The following CCAR1 variants were observed in gnomAD, a reference collection of about 807,000 sequenced individuals.
CCAR1 encodes the protein cell division cycle and apoptosis regulator 1.
A neutral mutation model predicts 163.8 loss-of-function variants in CCAR1; 78 were observed. That is an observed-to-expected ratio of 0.48 (90% CI 0.40 to 0.57). The LOEUF (loss-of-function observed/expected upper bound fraction) is 0.57, where lower values mean the gene tolerates loss of function less well. Among genes scored for constraint, CCAR1 ranks in the 20% least tolerant of loss-of-function variants. The pLI is 0.00. For missense variants in CCAR1, 1,019 were observed against 1,365.2 expected (o/e 0.75, Z 4.00); for synonymous variants, 443 against 460.7 (o/e 0.96, Z 0.49).
intron 19 of CCAR1, among the ~76,000 whole-genome samples, chr10:68,784,417 T>C (rs1262709495): frequency 1.3e-5 from 2 of 152,140 alleles, no homozygotes; most frequent in Non-Finnish European, 2.9e-5. Context: ...TTCACCATGT[T>C]GGCCAGGCTG....
chr10:68,767,598 G>T (rs1164611226), intron 17 of CCAR1, among the ~76,000 whole-genome samples: 1 of 151,892 alleles, frequency 6.6e-6, no homozygotes, highest in Admixed American at 6.6e-5. Context: ...AGGCTGGAGT[G>T]CAGTGGCTCG....
intron 6 of CCAR1, among the ~76,000 whole-genome samples, chr10:68,743,807 G>T (rs1481492257): frequency 6.6e-6 from 1 of 152,100 alleles, no homozygotes; most frequent in Non-Finnish European, 1.5e-5. Flanking sequence ...CTGGAGTGCA[G>T]TGGTGCGATC....
intron 4 of CCAR1, among the ~76,000 whole-genome samples, 172 bp downstream of exon 4, chr10:68,738,061 G>C (rs2056135248): frequency 6.6e-6 from 1 of 152,188 alleles, no homozygotes. Context: ...GGGTGAGGGA[G>C]ATAGGAGGGT....
intron 4 of CCAR1, 134 bp downstream of exon 4, chr10:68,738,023 A>G (rs997564315): frequency 1.7e-6 from 1 of 585,854 alleles, no homozygotes; most frequent in South Asian, 2.4e-5. Context: ...GCTAGAGTAA[A>G]TAGGTAGGAA....
chr10:68,724,805 C>G (rs1393349192), intron 2 of CCAR1, among the ~76,000 whole-genome samples: 2 of 151,938 alleles, frequency 1.3e-5, no homozygotes, highest in African/African-American at 4.8e-5. Flanking sequence ...GAAAGAAAAC[C>G]AACTCTAAAG....
chr10:68,750,214 CTTT>C (rs58204351), intron 10 of CCAR1, among the ~76,000 whole-genome samples: 956 of 52,952 alleles, frequency 0.018, 5 homozygotes, highest in Non-Finnish European at 0.025. Context: ...TTTCTTTTTT[CTTT>C]TTTTTTTTTT....
intron 19 of CCAR1, among the ~76,000 whole-genome samples, chr10:68,781,974 G>GT (rs1239143981): frequency 6.6e-6 from 1 of 152,156 alleles, no homozygotes; most frequent in Non-Finnish European, 1.5e-5. Flanking sequence ...CCAAAAGCTA[G>GT]TTTTTTTGGC....
intron 19 of CCAR1, among the ~76,000 whole-genome samples, chr10:68,775,533 CAG>C (rs994134575): frequency 7.1e-6 from 1 of 141,628 alleles, no homozygotes; most frequent in Non-Finnish European, 1.5e-5. Flanking sequence ...TTTTTTGAGA[CAG>C]AGTGTGGCTC....
At position 68,749,485 on chromosome 10, in the gene CCAR1, A is replaced by G. The variant is rs758934978; in HGVS notation, c.957-39A>G. The G allele has an allele frequency of 1.8e-5, 28 of 1,531,850 alleles. No individual in the cohort carries two copies. In the African/African-American group the frequency reaches 2.9e-4, roughly 16 times the overall value. The allele number at this position is 1,531,850 out of a possible 1,614,324, so 94.9% of individuals were successfully genotyped here. A position where few individuals can be genotyped will look rare whatever the true frequency, so the allele number is the denominator to read the frequency against. On this transcript the variant is annotated intron_variant, in intron 9 of 24. Transcript: ENST00000265872. ...CTTCATTGAAGAGCTTTTCCATAAT[A>G]TTAGAAATATTAGTAATTTTAGAAA...
At chr10:68,750,894 A>G (rs1452024656) in intron 10 of CCAR1, among the ~76,000 whole-genome samples, 1 of 152,224 alleles carries the variant, frequency 6.6e-6, no homozygotes, top group Non-Finnish European at 1.5e-5. Flanking sequence ...TTCTAGATTT[A>G]GTAACCCAGT....
chr10:68,754,932 TGAGTAA>T (rs1304047137), intron 12 of CCAR1, 105 bp downstream of exon 12: 1 of 662,982 alleles, frequency 1.5e-6, no homozygotes, highest in African/African-American at 1.8e-5. Flanking sequence ...TGTTGATTAA[TGAGTAA>T]TTTTAGTATT....
At chr10:68,721,599 C>T (rs905949060) in intron 1 of CCAR1, 3 of 448,226 alleles carry the variant, frequency 6.7e-6, no homozygotes, top group African/African-American at 4.1e-5. Context: ...CCCTCCTGGC[C>T]CCCCGGCCCG....
intron 24 of CCAR1, among the ~76,000 whole-genome samples, chr10:68,790,766 T>G (rs2056843928): frequency 6.8e-6 from 1 of 147,988 alleles, no homozygotes; most frequent in Non-Finnish European, 1.5e-5. Flanking sequence ...CTCAGCACTT[T>G]CGGAGGCCAA....
chr10:68,736,041 T>C (rs6480361), intron 2 of CCAR1, among the ~76,000 whole-genome samples: 11,914 of 151,938 alleles, frequency 0.078, 1,342 homozygotes, highest in African/African-American at 0.25. Flanking sequence ...TTAGTAGAGA[T>C]GGGGTTTCAC....
intron 2 of CCAR1, among the ~76,000 whole-genome samples, chr10:68,724,763 T>C (rs2055916268): frequency 6.6e-6 from 1 of 151,988 alleles, no homozygotes; most frequent in African/African-American, 2.4e-5. Flanking sequence ...ACAGTCTGAG[T>C]GAGACCTGGT....
intron 2 of CCAR1, chr10:68,735,613 C>T (rs1032110581): frequency 6.6e-6 from 1 of 151,884 alleles, no homozygotes; most frequent in Non-Finnish European, 1.5e-5. Flanking sequence ...ACTTTGTTGC[C>T]CAGGTTGGTC....
intron 15 of CCAR1, among the ~76,000 whole-genome samples, chr10:68,760,388 T>C (rs2056453792): frequency 1.3e-5 from 2 of 152,134 alleles, no homozygotes. Flanking sequence ...TGGGGTTTTT[T>C]CCCCCTTCTA....
chr10:68,778,723 T>C (rs563125817), intron 19 of CCAR1, among the ~76,000 whole-genome samples: 3 of 152,240 alleles, frequency 2.0e-5, no homozygotes, highest in Non-Finnish European at 2.9e-5. Context: ...GCTCCAAATA[T>C]ATGTTGATAG....
chr10:68,779,216 T>C (rs2056704939), intron 19 of CCAR1, among the ~76,000 whole-genome samples: 1 of 151,764 alleles, frequency 6.6e-6, no homozygotes, highest in Admixed American at 6.6e-5. Context: ...TATTAAATGG[T>C]GTTGAATTTT....
Sources: allele counts gnomAD v4.1 joint callset (sites outside exome capture counted in the v4.1 genomes callset), GRCh38; gene constraint gnomAD v4.1.1; transcripts MANE v1.5; gene names NCBI Gene and HGNC (gene_info 2026-07-23, HGNC 2026-07-21).